SLC4A4: variants seen among roughly 807,000 people sequenced by gnomAD.
The protein encoded by SLC4A4 is solute carrier family 4 member 4, also known as electrogenic sodium bicarbonate cotransporter 1.
A neutral mutation model predicts 111.5 loss-of-function variants in SLC4A4; 27 were observed. The observed-to-expected ratio is 0.24, with a 90% CI of 0.18 to 0.33. SLC4A4 has a LOEUF of 0.33. Ranked by LOEUF, SLC4A4 falls within the 10% of genes least tolerant of loss-of-function variation. SLC4A4 has a pLI of 1.00. For synonymous variants in SLC4A4, 443 were observed against 463.4 expected (o/e 0.96, Z 0.57); for missense variants, 909 against 1,315.5 (o/e 0.69, Z 4.78).
intron 20 of SLC4A4, among the ~76,000 whole-genome samples, chr4:71,553,069 T>C (rs760064901): frequency 2.2e-4 from 34 of 151,918 alleles, no homozygotes; most frequent in Non-Finnish European, 4.4e-4. Flanking sequence ...TATTGGAAGA[T>C]TTTTATTGAG....
intron 2 of SLC4A4, among the ~76,000 whole-genome samples, chr4:71,244,260 T>C (rs941869384): frequency 6.6e-6 from 1 of 152,224 alleles, no homozygotes; most frequent in African/African-American, 2.4e-5. Context: ...GGACCAGTAG[T>C]CTCAGGACCT....
chr4:71,465,707 T>G (rs1215466038), intron 12 of SLC4A4, among the ~76,000 whole-genome samples: 1 of 151,872 alleles, frequency 6.6e-6, no homozygotes, highest in Non-Finnish European at 1.5e-5. Flanking sequence ...ACACGTCACC[T>G]TTGTTTTTAT....
chr4:71,196,836 A>G lies in SLC4A4; in HGVS notation c.-2+9435A>G, dbSNP rs1203361787. Among the ~76,000 whole-genome samples the G allele has an allele frequency of 5.1e-5, 3 of 59,134 alleles. No homozygotes were observed. In the African/African-American group the frequency reaches 5.7e-4, roughly 11 times the overall value. 38.8% of individuals were successfully genotyped at this position (59,134 alleles called of 152,430 possible). On this transcript the variant is annotated intron_variant, in intron 1 of 25. Coordinates refer to ENST00000264485, the MANE Select transcript of SLC4A4 (RefSeq NM_001098484.3). ...GTGACAGAGCAAGACTCTGTCTCCA[A>G]AAAAAAAAAAAAAAAAAAAAAAAAA...
chr4:71,468,237 A>G (rs541542137), intron 13 of SLC4A4, among the ~76,000 whole-genome samples: 3 of 152,232 alleles, frequency 2.0e-5, no homozygotes, highest in South Asian at 2.1e-4. Context: ...AACAGTTTTT[A>G]TATGTTTAAG....
At chr4:71,384,340 A>G (rs1718453982) in intron 6 of SLC4A4, among the ~76,000 whole-genome samples, 1 of 152,182 alleles carries the variant, frequency 6.6e-6, no homozygotes, top group Non-Finnish European at 1.5e-5. Flanking sequence ...CTTGGGTGAA[A>G]GAGGCATTAT....
chr4:71,380,375 G>A (rs956561303), intron 6 of SLC4A4, among the ~76,000 whole-genome samples: 11 of 152,138 alleles, frequency 7.2e-5, no homozygotes, highest in African/African-American at 2.7e-4. Context: ...AAGTATTTAT[G>A]GTAGTCATTA....
intron 5 of SLC4A4, among the ~76,000 whole-genome samples, chr4:71,350,740 T>C (rs947543665): frequency 4.6e-5 from 7 of 152,188 alleles, no homozygotes; most frequent in African/African-American, 1.7e-4. Flanking sequence ...GCCTTTTGTC[T>C]ACAGATATAC....
intron 22 of SLC4A4, among the ~76,000 whole-genome samples, chr4:71,559,698 A>T (rs957488778): frequency 6.6e-6 from 1 of 151,736 alleles, no homozygotes; most frequent in Non-Finnish European, 1.5e-5. Context: ...ATTGCTAAAA[A>T]CCTTTATGAT....
chr4:71,518,716 C>A (rs545491552), intron 16 of SLC4A4, among the ~76,000 whole-genome samples: 15 of 152,254 alleles, frequency 9.9e-5, no homozygotes, highest in African/African-American at 3.6e-4. Flanking sequence ...TGGGGCTCAT[C>A]TGGAGCCTAG....
intron 2 of SLC4A4, among the ~76,000 whole-genome samples, chr4:71,244,520 T>A (rs1455339548): frequency 6.6e-6 from 1 of 152,152 alleles, no homozygotes; most frequent in Non-Finnish European, 1.5e-5. Context: ...CATCTCCTAC[T>A]TTTTTCTAGG....
chr4:71,536,659 C>T (rs555719437), intron 18 of SLC4A4, among the ~76,000 whole-genome samples: 4 of 150,152 alleles, frequency 2.7e-5, no homozygotes, highest in Non-Finnish European at 5.9e-5. Context: ...ACCATGCCAG[C>T]TAATTTTTGT....
intron 1 of SLC4A4, among the ~76,000 whole-genome samples, chr4:71,065,206 C>T (rs1237395277): frequency 6.6e-6 from 1 of 152,110 alleles, no homozygotes; most frequent in African/African-American, 2.4e-5. Context: ...GTCTAAGTTT[C>T]TATTATATTT....
intron 5 of SLC4A4, among the ~76,000 whole-genome samples, chr4:71,353,457 G>A (rs528761594): frequency 2.0e-4 from 30 of 152,262 alleles, no homozygotes; most frequent in African/African-American, 7.2e-4. Context: ...ATGTTTGAAA[G>A]AGTGTCACTA....
At position 71,270,450 on chromosome 4, in the gene SLC4A4, C is replaced by T. The variant is rs575160302; in HGVS notation, c.253+15051C>T. On this transcript the variant is annotated intron_variant, in intron 3 of 25. Coordinates refer to ENST00000264485, the MANE Select transcript of SLC4A4 (RefSeq NM_001098484.3). ...TATTTTTCCAAAATACTAGGAATTT[C>T]CTTCTTTCTCTTCTCTATGGCAAGT... 4.6e-5 allele frequency among the ~76,000 whole-genome samples: 7 copies of T among 152,296 alleles called. No individual in the cohort carries two copies. The East Asian group carries it at 9.7e-4, about 21-fold the overall frequency.
intron 1 of SLC4A4, among the ~76,000 whole-genome samples, chr4:71,204,550 A>G (rs1169159152): frequency 6.6e-6 from 1 of 152,182 alleles, no homozygotes; most frequent in Non-Finnish European, 1.5e-5. Context: ...ATCATTTTGC[A>G]ATACTATTTT....
At position 71,517,594 on chromosome 4, in the gene SLC4A4, G is replaced by A. The variant is rs78321205; in HGVS notation, c.2167-14468G>A. Among the ~76,000 whole-genome samples, 1,210 of 151,992 alleles carry A rather than the reference G, an allele frequency of 8.0e-3. 21 individuals are homozygous for A. The highest frequency in any genetic ancestry group is 0.027 in the African/African-American group (1,129 of 41,484). ...TTAAAATAATTATTTTGAATTCTTC[G>A]ATAGTTCATATATCTTCATTTTTGA... is the stretch of plus-strand genomic sequence containing the variant. On this transcript the variant is annotated intron_variant, in intron 16 of 25. Transcript: ENST00000264485.
chr4:71,521,751 T>C (rs560567765), intron 16 of SLC4A4, among the ~76,000 whole-genome samples: 2 of 152,198 alleles, frequency 1.3e-5, no homozygotes, highest in Non-Finnish European at 2.9e-5. Context: ...GCAGAGAGTG[T>C]GGTAGAGGGG....
chr4:71,485,306 C>A (rs1729270388), intron 14 of SLC4A4, among the ~76,000 whole-genome samples: 1 of 151,674 alleles, frequency 6.6e-6, no homozygotes, highest in South Asian at 2.1e-4. Context: ...AAGTATGTTC[C>A]TTCAACACCT....
rs1578188536 is a variant in SLC4A4 at position 71,560,312 on chromosome 4, G to A, written c.3099+58G>A. ...AGTTAAAGAAACAAATGTGAAAATT[G>A]TCCCTTTTTATACCTGATGTGAAAT... On this transcript the variant is annotated intron_variant, in intron 23 of 25. Coordinates refer to ENST00000264485, the MANE Select transcript of SLC4A4 (RefSeq NM_001098484.3). 4.0e-5 allele frequency: 61 copies of A among 1,540,780 alleles called. No individual in the cohort carries two copies. In the East Asian group the frequency reaches 1.5e-3, roughly 38 times the overall value.
Sources: gnomAD v4.1 joint callset for allele counts (sites outside exome capture counted in the v4.1 genomes callset) on GRCh38, gnomAD v4.1.1 for gene constraint, MANE v1.5 for transcripts, NCBI Gene and HGNC (gene_info 2026-07-23, HGNC 2026-07-21) for gene names.